Variants in NBEA observed in about 807,000 individuals in gnomAD.
The protein encoded by NBEA is neurobeachin, also known as lysosomal-trafficking regulator 2.
Under a neutral mutation model 343.4 loss-of-function variants are expected in NBEA, and 44 were observed. That is an observed-to-expected ratio of 0.13 (90% CI 0.10 to 0.16). The LOEUF (loss-of-function observed/expected upper bound fraction) is 0.16, where lower values mean the gene tolerates loss of function less well. Ranked by LOEUF, NBEA falls within the 10% of genes least tolerant of loss-of-function variation. The pLI is 1.00. For synonymous variants in NBEA, 1,175 were observed against 1,238.7 expected (o/e 0.95, Z 1.08); for missense variants, 2,555 against 3,631.3 (o/e 0.70, Z 7.62).
chr13:35,217,881 C>G (rs969828554), intron 33 of NBEA, among the ~76,000 whole-genome samples: 2 of 152,092 alleles, frequency 1.3e-5, no homozygotes, highest in Non-Finnish European at 2.9e-5. Flanking sequence ...TATTCTAGCC[C>G]TTGGAGCTTT....
chr13:35,553,985 G>A (rs2079466575), intron 43 of NBEA, among the ~76,000 whole-genome samples: 1 of 152,156 alleles, frequency 6.6e-6, no homozygotes, highest in African/African-American at 2.4e-5. Flanking sequence ...AATCAGTGTG[G>A]AACAGGAAAT....
intron 36 of NBEA, 106 bp downstream of exon 36, chr13:35,309,698 T>C: frequency 1.6e-6 from 1 of 606,680 alleles, no homozygotes; most frequent in Non-Finnish European, 2.8e-6. Flanking sequence ...AAAATGTCTT[T>C]TAGTTAAATA....
chr13:35,048,368 C>T (rs967579597), intron 4 of NBEA, among the ~76,000 whole-genome samples, 195 bp from the exon 5 acceptor site: 3 of 151,900 alleles, frequency 2.0e-5, no homozygotes, highest in African/African-American at 7.2e-5. Context: ...TTGAATGTTT[C>T]TATAATCAAC....
intron 41 of NBEA, among the ~76,000 whole-genome samples, chr13:35,492,899 C>A (rs2076549280): frequency 6.6e-6 from 1 of 151,714 alleles, no homozygotes; most frequent in Non-Finnish European, 1.5e-5. Context: ...TACCTGGCAA[C>A]CCTAGATGAA....
At chr13:35,632,584 T>C (rs2083500573) in intron 49 of NBEA, among the ~76,000 whole-genome samples, 1 of 151,882 alleles carries the variant, frequency 6.6e-6, no homozygotes, top group Non-Finnish European at 1.5e-5. Flanking sequence ...AACCATTTCA[T>C]CAAAACCTCA....
intron 34 of NBEA, among the ~76,000 whole-genome samples, chr13:35,253,816 T>C (rs1208319914): frequency 3.3e-5 from 5 of 152,036 alleles, no homozygotes; most frequent in African/African-American, 1.2e-4. Flanking sequence ...TCTATACTTC[T>C]ATACGTTTTT....
chr13:35,380,436 G>C (rs1237500168), intron 38 of NBEA, among the ~76,000 whole-genome samples: 2 of 151,866 alleles, frequency 1.3e-5, no homozygotes, highest in Non-Finnish European at 2.9e-5. Flanking sequence ...GACAGAGTGA[G>C]ACTCTTGTCT....
intron 12 of NBEA, among the ~76,000 whole-genome samples, chr13:35,110,071 T>TA (rs1486169427): frequency 6.7e-6 from 1 of 148,674 alleles, no homozygotes; most frequent in African/African-American, 2.5e-5. Context: ...TTTTTTTTAT[T>TA]ATACTCTAAG....
chr13:34,968,578 A>G (rs1416396675), intron 1 of NBEA, among the ~76,000 whole-genome samples: 2 of 152,176 alleles, frequency 1.3e-5, no homozygotes, highest in East Asian at 3.9e-4. Context: ...TATGTAAATG[A>G]ATGGCCAATG....
intron 34 of NBEA, among the ~76,000 whole-genome samples, chr13:35,255,480 G>T (rs1186069453): frequency 1.4e-4 from 21 of 152,204 alleles, no homozygotes; most frequent in Admixed American, 1.3e-3. Context: ...CGCAGGTTCC[G>T]GCCACTGTGC....
At chr13:35,417,915 G>A (rs926886746) in intron 38 of NBEA, among the ~76,000 whole-genome samples, 11 of 152,116 alleles carry the variant, frequency 7.2e-5, no homozygotes, top group Admixed American at 7.2e-4. Context: ...GAACCTGGGT[G>A]CTCCTCTTTT....
At chr13:35,571,969 A>G (rs2080452783) in intron 45 of NBEA, among the ~76,000 whole-genome samples, 1 of 152,120 alleles carries the variant, frequency 6.6e-6, no homozygotes, top group Non-Finnish European at 1.5e-5. Flanking sequence ...GTTCTTTATC[A>G]GTAAGATTTT....
At chr13:35,664,190 A>G (rs956884162) in intron 55 of NBEA, among the ~76,000 whole-genome samples, 12 of 152,170 alleles carry the variant, frequency 7.9e-5, no homozygotes, top group Admixed American at 7.2e-4. Context: ...GGGGCTATTC[A>G]GGGGGAGGTG....
At chr13:35,402,988 C>T (rs1380812259) in intron 38 of NBEA, among the ~76,000 whole-genome samples, 3 of 152,034 alleles carry the variant, frequency 2.0e-5, no homozygotes, top group Non-Finnish European at 4.4e-5. Flanking sequence ...ATAACTACTT[C>T]CACCTCACTT....
At position 35,111,080 on chromosome 13, in the gene NBEA, T is replaced by TTTCA. The variant is rs1421194409; in HGVS notation, c.2002+102_2002+103insTTCA. On this transcript the variant is annotated intron_variant, in intron 13 of 58. Transcript: ENST00000379939. ...GTACATGACTATGAAATCACTGAAA[T>TTTCA]GTTTTCTTTCTTATATAGCAAACTG... 5 of 996,174 alleles carry TTTCA rather than the reference T, an allele frequency of 5.0e-6. No homozygotes were observed. The African/African-American group carries it at 6.6e-5, about 13-fold the overall frequency. 61.7% of individuals were successfully genotyped at this position (996,174 alleles called of 1,614,324 possible).
chr13:35,535,109 T>A (rs889035089), intron 41 of NBEA, among the ~76,000 whole-genome samples: 8 of 131,856 alleles, frequency 6.1e-5, no homozygotes, highest in African/African-American at 2.1e-4. Flanking sequence ...TTTTACCCAA[T>A]TATAGATATT....
chr13:35,019,163 A>G (rs1306956256), intron 1 of NBEA, among the ~76,000 whole-genome samples: 1 of 151,646 alleles, frequency 6.6e-6, no homozygotes. Flanking sequence ...GTATATATTA[A>G]GTGTTTTTGT....
intron 11 of NBEA, among the ~76,000 whole-genome samples, chr13:35,099,174 C>T (rs1326032833): frequency 2.0e-5 from 3 of 150,230 alleles, no homozygotes; most frequent in Non-Finnish European, 4.4e-5. Context: ...GGATCACAGG[C>T]GCGCACCACC....
At chr13:35,553,795 C>G (rs1248232166) in intron 43 of NBEA, among the ~76,000 whole-genome samples, 1 of 152,200 alleles carries the variant, frequency 6.6e-6, no homozygotes, top group Non-Finnish European at 1.5e-5. Context: ...TGCTGCAGGT[C>G]ATTTTTTAAT....
Sources: gnomAD v4.1 joint callset for allele counts (sites outside exome capture counted in the v4.1 genomes callset) on GRCh38, gnomAD v4.1.1 for gene constraint, MANE v1.5 for transcripts, NCBI Gene and HGNC (gene_info 2026-07-23, HGNC 2026-07-21) for gene names.